MARCHF1: variants seen among roughly 807,000 people sequenced by gnomAD.
MARCHF1 encodes E3 ubiquitin-protein ligase MARCHF1.
In MARCHF1, 40 loss-of-function variants were observed where a neutral mutation model predicts 54.2. That is an observed-to-expected ratio of 0.74 (90% CI 0.57 to 0.96). MARCHF1 has a LOEUF of 0.96. MARCHF1 is among the 40% of genes least tolerant of loss of function. The probability of loss-of-function intolerance (pLI) is 0.00; values close to 1 mark genes in which losing one functional copy is unlikely to be tolerated. For missense variants in MARCHF1, 586 were observed against 656.5 expected, an observed-to-expected ratio of 0.89 and a Z score of 1.17; for synonymous variants, 236 against 236.3, an observed-to-expected ratio of 1.00 and a Z score of 0.01.
chr4:163,865,843 G>T (rs919029075), intron 3 of MARCHF1, among the ~76,000 whole-genome samples: 1 of 151,326 alleles, frequency 6.6e-6, no homozygotes, highest in Non-Finnish European at 1.5e-5. Flanking sequence ...TCATTTATAT[G>T]AATATAGTTT....
At chr4:164,013,361 G>GA (rs1753465894) in intron 2 of MARCHF1, among the ~76,000 whole-genome samples, 3 of 151,404 alleles carry the variant, frequency 2.0e-5, no homozygotes, top group Non-Finnish European at 2.9e-5. Context: ...GGAGAAAAAA[G>GA]AAAAAAGGAT....
intron 2 of MARCHF1, among the ~76,000 whole-genome samples, chr4:164,085,374 T>G (rs1021952076): frequency 6.6e-6 from 1 of 151,838 alleles, no homozygotes; most frequent in Non-Finnish European, 1.5e-5. Context: ...TGCTTTTACC[T>G]AAAATGAGAT....
At chr4:164,176,563 G>A (rs1020600816) in intron 1 of MARCHF1, among the ~76,000 whole-genome samples, 3 of 152,038 alleles carry the variant, frequency 2.0e-5, no homozygotes, top group Non-Finnish European at 4.4e-5. Flanking sequence ...AACGATACAG[G>A]AGTACAGAAT....
chr4:163,703,228 A>AT lies in MARCHF1; in HGVS notation c.112-2366dup, dbSNP rs899568645. On this transcript the variant is annotated intron_variant, in intron 4 of 9. Coordinates refer to ENST00000514618, the MANE Select transcript of MARCHF1 (RefSeq NM_001394959.1). ...GGTGATCATCATAGGTCACTATACA[A>AT]TTTTTTTTTTTACATAAACATCTTA... 2.5e-3 allele frequency among the ~76,000 whole-genome samples: 365 copies of AT among 148,848 alleles called. 1 individual carries two copies. Among genetic ancestry groups the AT allele is most frequent in the African/African-American group, 7.5e-3 (307 of 40,854 alleles).
chr4:163,825,514 G>A (rs1005496428), intron 4 of MARCHF1, among the ~76,000 whole-genome samples: 2 of 151,880 alleles, frequency 1.3e-5, no homozygotes, highest in African/African-American at 2.4e-5. Context: ...TTCAGAAATC[G>A]CCAAACTGCT....
chr4:164,069,888 G>A (rs758420293), intron 2 of MARCHF1, among the ~76,000 whole-genome samples: 1 of 152,168 alleles, frequency 6.6e-6, no homozygotes, highest in Non-Finnish European at 1.5e-5. Flanking sequence ...ATGGTATATT[G>A]GATTGAAAAA....
chr4:164,098,797 C>G (rs1177227070), intron 2 of MARCHF1, among the ~76,000 whole-genome samples: 2 of 152,150 alleles, frequency 1.3e-5, no homozygotes, highest in Non-Finnish European at 2.9e-5. Flanking sequence ...ATATTCATAA[C>G]TCTTGTCTGA....
At chr4:164,364,356 T>C (rs1401307553) in intron 1 of MARCHF1, among the ~76,000 whole-genome samples, 1 of 152,078 alleles carries the variant, frequency 6.6e-6, no homozygotes, top group Non-Finnish European at 1.5e-5. Context: ...GAGATCACTT[T>C]TGAATTTAGC....
At chr4:164,260,318 T>C (rs962042030) in intron 1 of MARCHF1, among the ~76,000 whole-genome samples, 1 of 152,040 alleles carries the variant, frequency 6.6e-6, no homozygotes, top group African/African-American at 2.4e-5. Context: ...TTCAGTAAAT[T>C]GCTTTGTTTT....
intron 1 of MARCHF1, among the ~76,000 whole-genome samples, chr4:164,295,448 ACAC>A (rs1734387150): frequency 5.6e-5 from 1 of 17,740 alleles, no homozygotes; most frequent in Non-Finnish European, 2.5e-4. Context: ...ATACACACAA[ACAC>A]ACACACACAC....
At position 164,100,855 on chromosome 4, in the gene MARCHF1, T is replaced by C. The variant is rs144874576; in HGVS notation, c.-248+10733A>G. ...CTGCATTTCCATCTGAGGTACCGGGTTCATCTCACTAGGGAGTGCCAGACA... is the reference window on the plus strand; with the variant it reads ...CTGCATTTCCATCTGAGGTACCGGGCTCATCTCACTAGGGAGTGCCAGACA... On this transcript the variant is annotated intron_variant, in intron 2 of 9. Transcript: ENST00000514618. 9.3e-3 allele frequency among the ~76,000 whole-genome samples: 1,411 copies of C among 152,230 alleles called. 18 individuals are homozygous for C. The highest frequency in any genetic ancestry group is 0.05 in the East Asian group (256 of 5,150).
chr4:164,150,597 C>T (rs1401122727), intron 1 of MARCHF1, among the ~76,000 whole-genome samples: 2 of 152,090 alleles, frequency 1.3e-5, no homozygotes, highest in African/African-American at 4.8e-5. Flanking sequence ...TCTGGGTATA[C>T]CTTGACCTTG....
chr4:163,566,083 A>G (rs1739635437), intron 8 of MARCHF1, among the ~76,000 whole-genome samples: 1 of 152,166 alleles, frequency 6.6e-6, no homozygotes, highest in Non-Finnish European at 1.5e-5. Context: ...AAAGTTCACA[A>G]TTTTGATACC....
At chr4:163,702,778 G>T (rs117452249) in intron 4 of MARCHF1, among the ~76,000 whole-genome samples, 1 of 152,092 alleles carries the variant, frequency 6.6e-6, no homozygotes, top group South Asian at 2.1e-4. Context: ...AAATGGATTG[G>T]CTTTATTTTC....
chr4:163,607,474 G>T (rs1422533934), intron 7 of MARCHF1, among the ~76,000 whole-genome samples: 3 of 152,084 alleles, frequency 2.0e-5, no homozygotes, highest in Non-Finnish European at 4.4e-5. Flanking sequence ...TAGTTGAAAT[G>T]AGGAAGTGGA....
At chr4:164,147,661 G>A (rs1417181204) in intron 1 of MARCHF1, among the ~76,000 whole-genome samples, 1 of 114,818 alleles carries the variant, frequency 8.7e-6, no homozygotes, top group Non-Finnish European at 1.9e-5. Context: ...ATCACACTCT[G>A]GGGCCTGTTA....
intron 3 of MARCHF1, among the ~76,000 whole-genome samples, chr4:163,900,570 T>C (rs1408548013): frequency 1.3e-5 from 2 of 152,198 alleles, no homozygotes; most frequent in African/African-American, 4.8e-5. Flanking sequence ...GTCTAATTAC[T>C]ACTGATGTAA....
At chr4:164,135,257 T>G (rs1225396234) in intron 1 of MARCHF1, among the ~76,000 whole-genome samples, 2 of 152,196 alleles carry the variant, frequency 1.3e-5, no homozygotes, top group Admixed American at 1.3e-4. Context: ...GAACACTGCC[T>G]TTTAAAAATA....
chr4:164,216,683 G>T (rs544471726), intron 1 of MARCHF1, among the ~76,000 whole-genome samples: 3 of 152,192 alleles, frequency 2.0e-5, no homozygotes, highest in African/African-American at 7.2e-5. Flanking sequence ...AGAACACAGA[G>T]CTCATACTCT....
Sources: gnomAD v4.1 joint callset for allele counts (sites outside exome capture counted in the v4.1 genomes callset) on GRCh38, gnomAD v4.1.1 for gene constraint, MANE v1.5 for transcripts, NCBI Gene and HGNC (gene_info 2026-07-23, HGNC 2026-07-21) for gene names.